The following SLC16A12 variants were observed in gnomAD, a reference collection of about 807,000 sequenced individuals.
SLC16A12 encodes monocarboxylate transporter 12.
In SLC16A12, 17 loss-of-function variants were observed where a neutral mutation model predicts 42.4. The ratio of observed to expected loss-of-function variants is 0.40; its 90% CI spans 0.27 to 0.60. SLC16A12 has a LOEUF of 0.60. Among genes scored for constraint, SLC16A12 ranks in the 20% least tolerant of loss-of-function variants. The pLI, the probability that SLC16A12 is intolerant of heterozygous loss-of-function variation, is 0.42. For missense variants in SLC16A12, 544 were observed against 623.0 expected (o/e 0.87, Z 1.35); for synonymous variants, 224 against 229.4 (o/e 0.98, Z 0.21).
chr10:89,470,505 T>C (rs1320288094), intron 2 of SLC16A12, among the ~76,000 whole-genome samples: 1 of 152,162 alleles, frequency 6.6e-6, no homozygotes, highest in Non-Finnish European at 1.5e-5. Flanking sequence ...CTTCACCTCC[T>C]AGGTGGCACA....
rs1039779879 is a variant in SLC16A12 at position 89,500,868 on chromosome 10, G to T, written c.-47+33633C>A. 7.9e-5 allele frequency among the ~76,000 whole-genome samples: 12 copies of T among 152,238 alleles called. 1 individual carries two copies. In the Middle Eastern group the frequency reaches 0.017, roughly 216 times the overall value. On this transcript the variant is annotated intron_variant, in intron 2 of 7. Coordinates refer to ENST00000371790, the MANE Select transcript of SLC16A12 (RefSeq NM_213606.4). ...AGTCAAACTGTCACTGTTTGCTGAT[G>T]ATATGATTGTTTACCTCGAAAACCC...
Position 89,493,876 on chromosome 10 carries a change from A to C in SLC16A12, c.-46-31252T>G, listed in dbSNP as rs548613454. On this transcript the variant is annotated intron_variant, in intron 2 of 7. Transcript: ENST00000371790. ...AGCAGATAAATGAAAGGTTCCTACC[A>C]AGGTAATTTTGTCAAAGCAAACTAT... 7.5e-4 allele frequency among the ~76,000 whole-genome samples: 115 copies of C among 152,374 alleles called. 1 individual carries two copies. Among genetic ancestry groups the C allele is most frequent in the Non-Finnish European group, 1.2e-3 (82 of 68,036 alleles).
At chr10:89,552,133 A>C (rs532197839) in intron 2 of SLC16A12, among the ~76,000 whole-genome samples, 6 of 152,112 alleles carry the variant, frequency 3.9e-5, no homozygotes, top group Admixed American at 2.0e-4. Context: ...ACAGGGTTTC[A>C]CCATATTGGC....
chr10:89,492,427 A>C (rs1172165481), intron 2 of SLC16A12, among the ~76,000 whole-genome samples: 1 of 148,828 alleles, frequency 6.7e-6, no homozygotes, highest in Non-Finnish European at 1.5e-5. Flanking sequence ...AAGGACTTGT[A>C]AAAAAAAAAT....
intron 4 of SLC16A12, among the ~76,000 whole-genome samples, chr10:89,442,708 A>G (rs1443454785): frequency 6.6e-6 from 1 of 152,182 alleles, no homozygotes; most frequent in Non-Finnish European, 1.5e-5. Context: ...ACCTGCTTTT[A>G]GTCTTAGAAC....
intron 7 of SLC16A12, 118 bp downstream of exon 7, chr10:89,435,941 TC>T: frequency 4.2e-6 from 6 of 1,437,054 alleles, no homozygotes; most frequent in Non-Finnish European, 5.7e-6. Flanking sequence ...ATCCCTTTTC[TC>T]TTTCACTCTT....
chr10:89,530,012 CAG>C (rs769112913), intron 2 of SLC16A12, among the ~76,000 whole-genome samples: 1 of 152,160 alleles, frequency 6.6e-6, no homozygotes, highest in Non-Finnish European at 1.5e-5. Context: ...TCAGGAAAAG[CAG>C]AGTCAAAAAG....
chr10:89,477,311 T>A (rs1455948635), intron 2 of SLC16A12, among the ~76,000 whole-genome samples: 1 of 152,164 alleles, frequency 6.6e-6, no homozygotes, highest in African/African-American at 2.4e-5. Flanking sequence ...ACGCCTGTAA[T>A]CCCAGCACTT....
intron 3 of SLC16A12, among the ~76,000 whole-genome samples, chr10:89,455,311 T>C (rs1352715063): frequency 3.3e-5 from 5 of 152,196 alleles, no homozygotes; most frequent in Non-Finnish European, 7.3e-5. Flanking sequence ...AACTTAGTAG[T>C]GTAACCATGT....
At chr10:89,468,568 G>A (rs1288993661) in intron 2 of SLC16A12, among the ~76,000 whole-genome samples, 1 of 152,170 alleles carries the variant, frequency 6.6e-6, no homozygotes, top group African/African-American at 2.4e-5. Context: ...GAGTGACCAC[G>A]ACAAAAGGAA....
chr10:89,477,808 C>T (rs1842603504), intron 2 of SLC16A12, among the ~76,000 whole-genome samples: 1 of 152,220 alleles, frequency 6.6e-6, no homozygotes, highest in African/African-American at 2.4e-5. Flanking sequence ...TATGGATTTA[C>T]AGTCTCTGTA....
intron 3 of SLC16A12, among the ~76,000 whole-genome samples, chr10:89,453,895 C>T (rs1398065192): frequency 1.3e-5 from 2 of 152,156 alleles, no homozygotes; most frequent in African/African-American, 4.8e-5. Flanking sequence ...CCAAACATTG[C>T]TAAATGCACC....
In SLC16A12 at chr10:89,430,471, A is replaced by T; in HGVS notation, c.*2593T>A. The T allele has an allele frequency of 2.6e-6, 1 of 380,180 alleles. No homozygotes were observed. Among genetic ancestry groups the T allele is most frequent in the Non-Finnish European group, 5.1e-6 (1 of 195,364 alleles). The allele number at this position is 380,180 out of a possible 1,614,324, so 23.6% of individuals were successfully genotyped here. A position where few individuals can be genotyped will look rare whatever the true frequency, so the allele number is the denominator to read the frequency against. On this transcript the variant is annotated 3_prime_UTR_variant, in exon 8 of 8. Coordinates refer to ENST00000371790, the MANE Select transcript of SLC16A12 (RefSeq NM_213606.4). ...CTCAGATAATTCCAAAGTAGAGCTT[A>T]CAGTAGTAGAAAGAAATATTTAAGA...
At chr10:89,447,829 T>C (rs1842028625) in intron 3 of SLC16A12, among the ~76,000 whole-genome samples, 1 of 152,070 alleles carries the variant, frequency 6.6e-6, no homozygotes, top group Non-Finnish European at 1.5e-5. Flanking sequence ...AGCTGGTTTT[T>C]TGAAAAGATC....
At chr10:89,443,594 C>A (rs1841951475) in intron 4 of SLC16A12, among the ~76,000 whole-genome samples, 162 bp downstream of exon 4, 1 of 152,178 alleles carries the variant, frequency 6.6e-6, no homozygotes, top group Non-Finnish European at 1.5e-5. Flanking sequence ...TTGGCTTTGG[C>A]TGAAGATAGG....
rs754531566 is a variant in SLC16A12, at chr10:89,441,251, G to A, written c.305C>T (p.Ala102Val). Residue 102 changes from alanine to valine, a missense_variant and splice_region_variant, in exon 5 of 8, where the codon GCT (alanine) becomes GTT (valine). Coordinates refer to ENST00000371790, the MANE Select transcript of SLC16A12 (RefSeq NM_213606.4). ...SIVDCVTMLC[A>V]PLGSVVSNHL... ...GTTACTGACAACACTCCCAAGTGGAGCTTCAAAAACAATAAGAAATAGGTT... is the reference window on the plus strand; with the variant it reads ...GTTACTGACAACACTCCCAAGTGGAACTTCAAAAACAATAAGAAATAGGTT... The A allele has an allele frequency of 4.7e-5, 76 of 1,613,940 alleles. No homozygotes were observed. The highest frequency in any genetic ancestry group is 6.2e-5 in the Non-Finnish European group (73 of 1,179,976).
intron 2 of SLC16A12, among the ~76,000 whole-genome samples, chr10:89,509,156 T>C (rs1320908162): frequency 2.6e-5 from 4 of 152,196 alleles, no homozygotes; most frequent in African/African-American, 9.7e-5. Flanking sequence ...AGCCGAATTC[T>C]ACCAGAGTTA....
intron 5 of SLC16A12, 152 bp from the exon 6 acceptor site, chr10:89,439,335 A>C: frequency 1.4e-6 from 1 of 738,466 alleles, no homozygotes; most frequent in Non-Finnish European, 2.2e-6. Context: ...GTCTCCCCTC[A>C]CCAGTCATTC....
At chr10:89,507,726 C>A (rs543600553) in intron 2 of SLC16A12, among the ~76,000 whole-genome samples, 1 of 152,150 alleles carries the variant, frequency 6.6e-6, no homozygotes, top group African/African-American at 2.4e-5. Flanking sequence ...TCACACATAA[C>A]AATATTAACC....
Sources: allele counts gnomAD v4.1 joint callset (sites outside exome capture counted in the v4.1 genomes callset), GRCh38; gene constraint gnomAD v4.1.1; transcripts MANE v1.5; gene names NCBI Gene and HGNC (gene_info 2026-07-23, HGNC 2026-07-21).